Variants in YAF2 observed in about 807,000 individuals in gnomAD.
The protein encoded by YAF2 is YY1 associated factor 2.
YAF2 carries 7 observed loss-of-function variants against 20.1 expected under a neutral mutation model. That is an observed-to-expected ratio of 0.35 (90% CI 0.20 to 0.65). The LOEUF (loss-of-function observed/expected upper bound fraction) is 0.65. Ranked by LOEUF, YAF2 falls within the 30% of genes least tolerant of loss-of-function variation. YAF2 has a pLI of 0.69. For synonymous variants in YAF2, 74 were observed against 76.0 expected (o/e 0.97, Z 0.14); for missense variants, 151 against 219.2 (o/e 0.69, Z 1.96).
intron 2 of YAF2, among the ~76,000 whole-genome samples, chr12:42,180,038 A>C (rs1020009961): frequency 5.3e-5 from 8 of 151,998 alleles, no homozygotes; most frequent in Admixed American, 1.3e-4. Context: ...ATTTTTCCTA[A>C]GTTTCTTTCA....
chr12:42,223,686 C>T (rs2067591672), intron 2 of YAF2, among the ~76,000 whole-genome samples: 1 of 151,994 alleles, frequency 6.6e-6, no homozygotes, highest in South Asian at 2.1e-4. Context: ...ATAATGGCCA[C>T]ATGCAGCCAT....
chr12:42,237,388 C>CA, intron 2 of YAF2: 5 of 1,263,474 alleles, frequency 4.0e-6, no homozygotes, highest in Non-Finnish European at 5.0e-6. Context: ...CTCTTGGCAG[C>CA]AAAAAACGTT....
intron 2 of YAF2, chr12:42,210,640 G>C: frequency 6.5e-7 from 1 of 1,535,972 alleles, no homozygotes. Context: ...TACCCAATAG[G>C]AGAACTCCAG....
intron 2 of YAF2, among the ~76,000 whole-genome samples, chr12:42,228,777 G>A (rs1203104334): frequency 3.5e-5 from 2 of 56,372 alleles, no homozygotes; most frequent in African/African-American, 1.4e-4. Flanking sequence ...CGCCCCGTCC[G>A]GGAGGGAGGT....
chr12:42,219,599 C>T (rs983131589), intron 2 of YAF2, among the ~76,000 whole-genome samples: 15 of 152,270 alleles, frequency 9.9e-5, no homozygotes, highest in African/African-American at 3.6e-4. Flanking sequence ...CCCAGGCACA[C>T]ACCCATACAT....
At chr12:42,203,148 CTAAA>C (rs1420044816) in intron 2 of YAF2, among the ~76,000 whole-genome samples, 1 of 151,128 alleles carries the variant, frequency 6.6e-6, no homozygotes, top group Non-Finnish European at 1.5e-5. Flanking sequence ...ATATTTATTA[CTAAA>C]TAAATTTTAA....
In YAF2 at chr12:42,169,872, T is replaced by C. The variant is rs180987849; in HGVS notation, c.153-8107A>G. Among the ~76,000 whole-genome samples the C allele has an allele frequency of 1.7e-3, 257 of 151,480 alleles. 1 individual carries two copies. The highest frequency in any genetic ancestry group is 5.5e-3 in the African/African-American group (225 of 41,260). On this transcript the variant is annotated intron_variant, in intron 2 of 3. Transcript: ENST00000534854. ...TTCCTTCCTTCCTTTTCTCTCTCTC[T>C]CCTTTCTTTTTTTTTTAAGACAGAG...
chr12:42,186,850 A>G (rs1456010041), intron 2 of YAF2, among the ~76,000 whole-genome samples: 2 of 152,224 alleles, frequency 1.3e-5, no homozygotes, highest in Non-Finnish European at 2.9e-5. Context: ...AACACCCATC[A>G]GTAGGAAATT....
intron 2 of YAF2, chr12:42,232,863 G>A: frequency 1.0e-6 from 1 of 985,156 alleles, no homozygotes; most frequent in Non-Finnish European, 1.2e-6. Flanking sequence ...ATAATACTGT[G>A]TTCAGTTATA....
At chr12:42,195,174 A>T (rs2066718025) in intron 2 of YAF2, among the ~76,000 whole-genome samples, 1 of 152,010 alleles carries the variant, frequency 6.6e-6, no homozygotes, top group Non-Finnish European at 1.5e-5. Context: ...AGAGAGAAAA[A>T]CTCCTGGCTA....
rs1353426392 is a variant in YAF2 at position 42,160,776 on chromosome 12, G to A, written c.356C>T (p.Thr119Ile). The change falls in exon 4 of 4, where the codon ACT (threonine) becomes ATT (isoleucine). Residue 119 changes from threonine to isoleucine, a missense_variant. By Grantham distance (89) the Thr-to-Ile change is moderately conservative (BLOSUM62 -1). This residue lies in a region of YAF2 where 50 missense variants were observed against 112.0 expected (regional missense o/e 0.45). Transcript: ENST00000534854. ...DRSSAQHLEVTVGDLTVIITD... is the reference protein window; with the variant it reads ...DRSSAQHLEVIVGDLTVIITD... ...AATAATGACTGTCAGATCTCCAACAGTAACTTCCAAATGCTGAGCACTACT... is the reference window on the plus strand; with the variant it reads ...AATAATGACTGTCAGATCTCCAACAATAACTTCCAAATGCTGAGCACTACT... 6.2e-7 allele frequency: 1 copy of A among 1,613,696 alleles called. No homozygotes were observed. Among genetic ancestry groups the A allele is most frequent in the Non-Finnish European group, 8.5e-7 (1 of 1,179,864 alleles).
At chr12:42,200,925 T>C (rs1399813414) in intron 2 of YAF2, among the ~76,000 whole-genome samples, 1 of 152,172 alleles carries the variant, frequency 6.6e-6, no homozygotes, top group African/African-American at 2.4e-5. Flanking sequence ...AGTATTCCCA[T>C]ACGCAAAATG....
At chr12:42,238,033 C>T (rs1443382423) in intron 1 of YAF2, 122 bp downstream of exon 1, 8 of 824,808 alleles carry the variant, frequency 9.7e-6, no homozygotes, top group Non-Finnish European at 1.3e-5. Context: ...CACTCGCACA[C>T]CAGCGGCGCT....
chr12:42,233,572 T>A, intron 2 of YAF2: 2 of 797,046 alleles, frequency 2.5e-6, no homozygotes, highest in Non-Finnish European at 3.0e-6. Context: ...AGTGCAGTGG[T>A]ATGATCACAG....
In YAF2 at chr12:42,160,696, C is replaced by T. The variant is rs2136943810; in HGVS notation, c.436G>A (p.Asp146Asn). The T allele has an allele frequency of 1.2e-6, 2 of 1,613,810 alleles. No individual in the cohort carries two copies. The highest frequency in any genetic ancestry group is 2.2e-5 in the East Asian group (1 of 44,868). ...SPPASSAASA[D>N]QHSQSGSSSD... is the part of the protein sequence containing the mutation. ...CTAGAGCCGCTTTGACTGTGTTGAT[C>T]TGCAGAAGCAGCACTAGATGCAGGC... Residue 146 changes from aspartate to asparagine, a missense_variant, in exon 4 of 4, where the codon GAT becomes AAT. Physicochemically the swap from Asp to Asn is conservative, Grantham distance 23 (BLOSUM62 1). This residue lies in a region of YAF2 where 51 missense variants were observed against 48.9 expected (regional missense o/e 1.04). Coordinates refer to ENST00000534854, the MANE Select transcript of YAF2 (RefSeq NM_005748.6).
At chr12:42,217,926 G>A (rs1278398081) in intron 2 of YAF2, among the ~76,000 whole-genome samples, 1 of 152,064 alleles carries the variant, frequency 6.6e-6, no homozygotes, top group Admixed American at 6.6e-5. Context: ...GGGAAGTAGA[G>A]GGCAGAAGAA....
At chr12:42,196,683 T>C (rs1391097457) in intron 2 of YAF2, among the ~76,000 whole-genome samples, 1 of 152,214 alleles carries the variant, frequency 6.6e-6, no homozygotes, top group Non-Finnish European at 1.5e-5. Flanking sequence ...GTGCAAACTG[T>C]TGCAATGAAC....
chr12:42,237,575 G>T (rs938075827), intron 2 of YAF2, 24 bp downstream of exon 2: 1 of 1,495,388 alleles, frequency 6.7e-7, no homozygotes. Context: ...GGCCGGCGGC[G>T]CGAGGGGCAG....
intron 2 of YAF2, among the ~76,000 whole-genome samples, chr12:42,225,962 T>C (rs2067680355): frequency 6.6e-6 from 1 of 152,222 alleles, no homozygotes; most frequent in Non-Finnish European, 1.5e-5. Flanking sequence ...ATAAATTACT[T>C]TGGGAAGTAT....
Sources: allele counts gnomAD v4.1 joint callset (sites outside exome capture counted in the v4.1 genomes callset), GRCh38; gene constraint gnomAD v4.1.1; regional missense constraint gnomAD v4.1.1; transcripts MANE v1.5; gene names NCBI Gene and HGNC (gene_info 2026-07-23, HGNC 2026-07-21).